The following PCDH9 variants were observed in gnomAD, a reference collection of about 807,000 sequenced individuals.
The protein encoded by PCDH9 is protocadherin 9, also known as protocadherin-9.
Under a neutral mutation model 70.6 loss-of-function variants are expected in PCDH9, and 24 were observed. The observed-to-expected ratio is 0.34, with a 90% confidence interval of 0.25 to 0.48. PCDH9 has a LOEUF of 0.48. Ranked by LOEUF, PCDH9 falls within the 20% of genes least tolerant of loss-of-function variation. The pLI is 0.99. For missense variants in PCDH9, 1,281 were observed against 1,503.6 expected (o/e 0.85, Z 2.45); for synonymous variants, 562 against 558.5 (o/e 1.01, Z -0.09).
chr13:66,518,023 T>C (rs1959819928), intron 4 of PCDH9, among the ~76,000 whole-genome samples: 1 of 152,012 alleles, frequency 6.6e-6, no homozygotes, highest in African/African-American at 2.4e-5. Context: ...ATTGGGTAAT[T>C]TATAAAGAAG....
intron 2 of PCDH9, among the ~76,000 whole-genome samples, chr13:66,905,562 C>G (rs538288725): frequency 6.6e-6 from 1 of 152,164 alleles, no homozygotes; most frequent in South Asian, 2.1e-4. Context: ...TTGTCTAGCC[C>G]TCAGGAAGCT....
intron 2 of PCDH9, among the ~76,000 whole-genome samples, chr13:67,127,367 T>C (rs188287442): frequency 2.0e-5 from 3 of 152,274 alleles, no homozygotes; most frequent in Non-Finnish European, 2.9e-5. Flanking sequence ...CTAATTACAT[T>C]GCAGGGATGG....
At chr13:66,625,519 G>A (rs1413270676) in intron 4 of PCDH9, among the ~76,000 whole-genome samples, 4 of 151,812 alleles carry the variant, frequency 2.6e-5, no homozygotes, top group Non-Finnish European at 5.9e-5. Flanking sequence ...TGATGTAATC[G>A]TTTTATCAAT....
intron 2 of PCDH9, among the ~76,000 whole-genome samples, chr13:67,153,454 C>T (rs1330391983): frequency 1.3e-5 from 2 of 152,120 alleles, no homozygotes; most frequent in African/African-American, 4.8e-5. Context: ...TAGGAGTTGG[C>T]CACCACTCCC....
chr13:66,823,553 C>T (rs1411066083), intron 3 of PCDH9, among the ~76,000 whole-genome samples: 1 of 151,904 alleles, frequency 6.6e-6, no homozygotes, highest in Non-Finnish European at 1.5e-5. Flanking sequence ...GTAGACATTT[C>T]ACAGTATAGG....
chr13:66,540,554 A>T (rs1163286089), intron 4 of PCDH9, among the ~76,000 whole-genome samples: 2 of 152,198 alleles, frequency 1.3e-5, no homozygotes. Flanking sequence ...GCCACCCAAG[A>T]CACAATTAAA....
chr13:66,425,481 A>G (rs931766464), intron 4 of PCDH9, among the ~76,000 whole-genome samples: 1 of 151,552 alleles, frequency 6.6e-6, no homozygotes, highest in Non-Finnish European at 1.5e-5. Context: ...CAATCTCATC[A>G]GAGACTCTTA....
At chr13:66,904,193 A>C (rs890924080) in intron 2 of PCDH9, among the ~76,000 whole-genome samples, 1 of 152,058 alleles carries the variant, frequency 6.6e-6, no homozygotes, top group Non-Finnish European at 1.5e-5. Context: ...TTTTTCTACT[A>C]AATAGAAAGC....
At chr13:66,357,248 G>A (rs1956399287) in intron 4 of PCDH9, among the ~76,000 whole-genome samples, 1 of 152,010 alleles carries the variant, frequency 6.6e-6, no homozygotes, top group South Asian at 2.1e-4. Flanking sequence ...GTAAAGAGAA[G>A]TGTGGGTGGC....
chr13:66,508,341 G>A (rs574681235), intron 4 of PCDH9, among the ~76,000 whole-genome samples: 2 of 152,164 alleles, frequency 1.3e-5, no homozygotes, highest in South Asian at 2.1e-4. Context: ...TGGAGATGGT[G>A]GTTGCGCAAC....
At chr13:66,335,929 C>T (rs1195165523) in intron 4 of PCDH9, among the ~76,000 whole-genome samples, 1 of 152,138 alleles carries the variant, frequency 6.6e-6, no homozygotes, top group Non-Finnish European at 1.5e-5. Context: ...CAAGACTGGT[C>T]TAGCAATAAT....
At chr13:66,384,432 G>A (rs1162078349) in intron 4 of PCDH9, among the ~76,000 whole-genome samples, 1 of 152,074 alleles carries the variant, frequency 6.6e-6, no homozygotes, top group Non-Finnish European at 1.5e-5. Context: ...CATATTTAAA[G>A]TGTAAAATAT....
intron 4 of PCDH9, among the ~76,000 whole-genome samples, chr13:66,558,747 G>A (rs752599809): frequency 6.6e-6 from 1 of 151,970 alleles, no homozygotes; most frequent in South Asian, 2.1e-4. Context: ...GGAAGATGCT[G>A]GGTTCCCTTC....
intron 4 of PCDH9, among the ~76,000 whole-genome samples, chr13:66,386,538 A>T (rs576900668): frequency 1.5e-4 from 23 of 152,328 alleles, no homozygotes; most frequent in African/African-American, 4.8e-4. Context: ...CTTATTTCAC[A>T]CAGCATAGTC....
intron 3 of PCDH9, among the ~76,000 whole-genome samples, chr13:66,716,431 T>A (rs1174231564): frequency 1.3e-5 from 2 of 152,210 alleles, no homozygotes; most frequent in East Asian, 3.9e-4. Context: ...TGCTTGATCA[T>A]TCTCTTCCTG....
chr13:67,067,306 T>A (rs2138143945), intron 2 of PCDH9, among the ~76,000 whole-genome samples: 1 of 152,294 alleles, frequency 6.6e-6, no homozygotes, highest in Non-Finnish European at 1.5e-5. Context: ...AATTTACTAG[T>A]GACAAGAAAT....
At chr13:66,564,801 A>G (rs1372629325) in intron 4 of PCDH9, among the ~76,000 whole-genome samples, 3 of 152,050 alleles carry the variant, frequency 2.0e-5, no homozygotes, top group Admixed American at 2.0e-4. Context: ...TACAGCTTTT[A>G]TCTATCTCAC....
intron 2 of PCDH9, among the ~76,000 whole-genome samples, chr13:67,137,402 T>G (rs1043468338): frequency 3.3e-5 from 5 of 152,178 alleles, no homozygotes; most frequent in Non-Finnish European, 7.4e-5. Context: ...TTCCTCAGCC[T>G]GCTTTGTCAA....
At chr13:66,549,545 AG>A (rs1238408728) in intron 4 of PCDH9, among the ~76,000 whole-genome samples, 5 of 152,132 alleles carry the variant, frequency 3.3e-5, no homozygotes, top group Admixed American at 3.3e-4. Flanking sequence ...TTTTAAAAAA[AG>A]GTTTTTTTGG....
Sources: gnomAD v4.1 joint callset for allele counts (sites outside exome capture counted in the v4.1 genomes callset) on GRCh38, gnomAD v4.1.1 for gene constraint, MANE v1.5 for transcripts, NCBI Gene and HGNC (gene_info 2026-07-23, HGNC 2026-07-21) for gene names.